BST1: variants seen among roughly 807,000 people sequenced by gnomAD.
BST1 encodes the protein bone marrow stromal cell antigen 1.
In BST1, 49 loss-of-function variants were observed where a neutral mutation model predicts 40.6. The observed-to-expected ratio is 1.21, with a 90% CI of 0.96 to 1.53. The LOEUF (loss-of-function observed/expected upper bound fraction) is 1.53. Ranked by LOEUF, BST1 falls within the 40% of genes most tolerant of loss-of-function variation. The pLI, the probability that BST1 is intolerant of heterozygous loss-of-function variation, is 0.00. For synonymous variants in BST1, 157 were observed against 159.3 expected, an observed-to-expected ratio of 0.99 and a Z score of 0.11; for missense variants, 423 against 395.9, an observed-to-expected ratio of 1.07 and a Z score of -0.58.
chr4:15,770,142 A>C, the BST1 span, among the ~76,000 whole-genome samples: 2 of 110,736 alleles, frequency 1.8e-5, no homozygotes, highest in East Asian at 4.5e-4. Flanking sequence ...GCATGGCTAA[A>C]ATGTGATTTT....
intron 3 of BST1, among the ~76,000 whole-genome samples, chr4:15,709,937 C>G (rs765593138): frequency 2.0e-5 from 3 of 151,822 alleles, no homozygotes; most frequent in Non-Finnish European, 4.4e-5. Context: ...GACAGCAGCT[C>G]TTTTTTATTT....
At position 15,703,107 on chromosome 4, in the gene BST1, T is replaced by A; in HGVS notation, c.-38T>A. The A allele has an allele frequency of 6.5e-7, 1 of 1,534,174 alleles. No homozygotes were observed. The highest frequency in any genetic ancestry group is 8.7e-7 in the Non-Finnish European group (1 of 1,147,586). ...CCTTGGTAGAAGGAGAGAAGGGGAG[T>A]GGAGGAAGCACGGGACTGGAGGGAC... is the stretch of plus-strand genomic sequence containing the variant. On this transcript the variant is annotated 5_prime_UTR_variant, in exon 1 of 9. Transcript: ENST00000265016.
At chr4:15,770,957 C>T in the BST1 span, among the ~76,000 whole-genome samples, 1 of 152,116 alleles carries the variant, frequency 6.6e-6, no homozygotes, top group Non-Finnish European at 1.5e-5. Context: ...TAGCAAAGCC[C>T]ACCCAGGTCT....
In BST1 at chr4:15,715,300, T is replaced by C. The variant is rs141978729; in HGVS notation, c.550T>C (p.Ser184Pro). 2.3e-5 allele frequency: 37 copies of C among 1,614,034 alleles called. No individual in the cohort carries two copies. The highest frequency in any genetic ancestry group is 1.6e-4 in the Middle Eastern group (1 of 6,084). Residue 184 changes from serine (S) to proline (P), a missense_variant, in exon 5 of 9, where the codon TCT becomes CCT. Coordinates refer to ENST00000265016, the MANE Select transcript of BST1 (RefSeq NM_004334.3). ...RASIQYSKDS[S>P]GVIHVMLNGS... Reference sequence around the variant, plus strand: ...CTTCTCGTAGTATTCCAAGGATAGTTCTGGGGTGATCCACGTCATGCTGAA... The same window carrying C: ...CTTCTCGTAGTATTCCAAGGATAGTCCTGGGGTGATCCACGTCATGCTGAA...
chr4:15,703,433 A>G (rs1719659935), intron 1 of BST1, 101 bp downstream of exon 1: 5 of 1,436,212 alleles, frequency 3.5e-6, no homozygotes, highest in South Asian at 1.4e-5. Flanking sequence ...TGAGGGGGCA[A>G]TGAGAGAGGC....
the BST1 span, chr4:15,743,483 A>G: frequency 3.8e-6 from 1 of 259,858 alleles, no homozygotes; most frequent in African/African-American, 2.3e-5. Context: ...AGAAGAAAAA[A>G]AAATTAAAGA....
chr4:15,728,688 G>C (rs573371823), intron 8 of BST1, among the ~76,000 whole-genome samples: 2 of 148,372 alleles, frequency 1.3e-5, no homozygotes, highest in East Asian at 3.9e-4. Context: ...TGTCACCCAG[G>C]CTAGAGTTCA....
chr4:15,756,945 GC>G, the BST1 span, among the ~76,000 whole-genome samples: 1 of 152,176 alleles, frequency 6.6e-6, no homozygotes, highest in Admixed American at 6.5e-5. Context: ...TCTCTGAAAA[GC>G]TGCCCTTTGT....
chr4:15,746,736 G>A, the BST1 span, among the ~76,000 whole-genome samples: 2 of 152,204 alleles, frequency 1.3e-5, no homozygotes, highest in African/African-American at 4.8e-5. Context: ...GTCACCTTCA[G>A]GGGTGTTTAC....
Position 15,703,260 on chromosome 4 carries a change from C to G in BST1, c.116C>G (p.Thr39Ser). 6 of 1,540,278 alleles carry G rather than the reference C, an allele frequency of 3.9e-6. No individual in the cohort carries two copies. Among genetic ancestry groups the G allele is most frequent in the Non-Finnish European group, 5.2e-6 (6 of 1,146,874 alleles). Residue 39 changes from threonine (T) to serine (S), a missense_variant, in exon 1 of 9, where the codon ACC becomes AGC. Physicochemically the swap from Thr to Ser is moderately conservative, Grantham distance 58 (BLOSUM62 1). Coordinates refer to ENST00000265016, the MANE Select transcript of BST1 (RefSeq NM_004334.3). Reference protein sequence around the residue: ...GARARWRGEGTSAHLRDIFLG... With the variant: ...GARARWRGEGSSAHLRDIFLG... ...CGCGCGCGGTGGCGCGGGGAGGGCA[C>G]CAGCGCACACTTGCGGGACATCTTC...
chr4:15,750,395 C>T, the BST1 span, among the ~76,000 whole-genome samples: 1 of 152,196 alleles, frequency 6.6e-6, no homozygotes, highest in Non-Finnish European at 1.5e-5. Flanking sequence ...TGGCTTATTT[C>T]ACTCAACATA....
chr4:15,731,295 C>A, intron 8 of BST1: 1 of 508,988 alleles, frequency 2.0e-6, no homozygotes, highest in Admixed American at 2.8e-5. Context: ...ACTCTGAGGC[C>A]AAAAATGCAT....
chr4:15,708,491 T>A (rs1441687843), intron 3 of BST1, among the ~76,000 whole-genome samples: 2 of 151,976 alleles, frequency 1.3e-5, no homozygotes, highest in Non-Finnish European at 2.9e-5. Flanking sequence ...CAGGGAAGCT[T>A]CAGAAGGGAG....
At position 15,731,970 on chromosome 4, in the gene BST1, C is replaced by A. The variant is rs1721395055; in HGVS notation, c.*125C>A. The A allele has an allele frequency of 2.9e-6, 4 of 1,390,748 alleles. No homozygotes were observed. In the African/African-American group the frequency reaches 4.4e-5, roughly 15 times the overall value. The allele number at this position is 1,390,748 out of a possible 1,614,324, so 86.2% of individuals were successfully genotyped here. On this transcript the variant is annotated 3_prime_UTR_variant, in exon 9 of 9. Transcript: ENST00000265016. The stretch of plus-strand genomic sequence containing the variant: ...AAGCTTTTTGCTGGGAAAACGATGT[C>A]CTGAAAATGGTATTTCAATGAGGCA...
chr4:15,730,995 C>G (rs2148896378), intron 8 of BST1: 3 of 563,852 alleles, frequency 5.3e-6, no homozygotes, highest in Non-Finnish European at 8.5e-6. Flanking sequence ...CTATGGTGCT[C>G]TCGATATATA....
intron 4 of BST1, among the ~76,000 whole-genome samples, chr4:15,713,206 C>CTTTTTTTTT (rs34681185): frequency 8.7e-6 from 1 of 114,744 alleles, no homozygotes; most frequent in East Asian, 2.4e-4. Flanking sequence ...ATATTTTCAT[C>CTTTTTTTTT]TTTTTTTTTT....
chr4:15,727,811 G>A (rs987405242), intron 8 of BST1, among the ~76,000 whole-genome samples: 2 of 151,928 alleles, frequency 1.3e-5, no homozygotes, highest in Non-Finnish European at 2.9e-5. Flanking sequence ...GCTCAAATAT[G>A]TTCTCCAGAG....
chr4:15,715,390 G>A (rs1305905491), intron 5 of BST1, 29 bp downstream of exon 5: 2 of 1,596,158 alleles, frequency 1.3e-6, no homozygotes, highest in African/African-American at 1.3e-5. Context: ...TCAAACACAA[G>A]AGAGAATGCC....
At chr4:15,707,137 A>G (rs979891151) in intron 2 of BST1, among the ~76,000 whole-genome samples, 4 of 152,230 alleles carry the variant, frequency 2.6e-5, no homozygotes, top group African/African-American at 9.6e-5. Flanking sequence ...ATTTTCCAGA[A>G]GTAGAAACTG....
Sources: allele counts gnomAD v4.1 joint callset (sites outside exome capture counted in the v4.1 genomes callset), GRCh38; gene constraint gnomAD v4.1.1; transcripts MANE v1.5; gene names NCBI Gene and HGNC (gene_info 2026-07-23, HGNC 2026-07-21).